Variants in FOXO3 observed in about 807,000 individuals in gnomAD.
FOXO3 encodes forkhead box protein O3.
In FOXO3, 4 loss-of-function variants were observed where a neutral mutation model predicts 41.9. The observed-to-expected ratio is 0.10, with a 90% CI of 0.05 to 0.22. The LOEUF (loss-of-function observed/expected upper bound fraction) is 0.22. FOXO3 is among the 10% of genes least tolerant of loss of function. FOXO3 has a pLI of 1.00. For missense variants in FOXO3, 534 were observed against 906.8 expected (o/e 0.59, Z 5.28); for synonymous variants, 318 against 389.3 (o/e 0.82, Z 2.16).
chr6:108,659,216 T>A (rs931750284), intron 1 of FOXO3, among the ~76,000 whole-genome samples: 3 of 151,746 alleles, frequency 2.0e-5, no homozygotes, highest in Middle Eastern at 3.4e-3. Context: ...TAAAAAAAAA[T>A]TTTTTTTTAG....
intron 1 of FOXO3, among the ~76,000 whole-genome samples, chr6:108,644,117 C>A (rs559694081): frequency 6.6e-6 from 1 of 152,308 alleles, no homozygotes; most frequent in African/African-American, 2.4e-5. Flanking sequence ...ATCCTGTTCC[C>A]TCTCCCTCTC....
chr6:108,637,154 A>G (rs1392061014), intron 1 of FOXO3, among the ~76,000 whole-genome samples: 2 of 152,198 alleles, frequency 1.3e-5, no homozygotes, highest in Admixed American at 6.5e-5. Flanking sequence ...AGGTATTGAG[A>G]GAACACATAG....
intron 1 of FOXO3, among the ~76,000 whole-genome samples, chr6:108,648,576 C>T (rs867427324): frequency 2.6e-5 from 4 of 152,154 alleles, no homozygotes; most frequent in South Asian, 4.1e-4. Context: ...ATCCTATTAT[C>T]TTGTATTCCT....
At chr6:108,662,866 ATAATT>A (rs568986450) in intron 1 of FOXO3, among the ~76,000 whole-genome samples, 14 of 152,180 alleles carry the variant, frequency 9.2e-5, no homozygotes, top group Non-Finnish European at 1.9e-4. Flanking sequence ...TATGGGCAAT[ATAATT>A]ACAGAAAGGC....
rs1203001673 is a variant in FOXO3 at position 108,560,932 on chromosome 6, A to T, written c.-277A>T. Reference sequence around the variant, plus strand: ...GCCGGGGGGCGGTGTCTGCTGCGCCAGGTTCGCTGGCCGCACGTCTTCAGG... The same window carrying T: ...GCCGGGGGGCGGTGTCTGCTGCGCCTGGTTCGCTGGCCGCACGTCTTCAGG... On this transcript the variant is annotated 5_prime_UTR_variant, in exon 1 of 3. Transcript: ENST00000406360. 13 of 1,279,916 alleles carry T rather than the reference A, an allele frequency of 1.0e-5. No individual in the cohort carries two copies. Among genetic ancestry groups the T allele is most frequent in the Non-Finnish European group, 1.3e-5 (13 of 1,010,278 alleles). The allele number at this position is 1,279,916 out of a possible 1,614,324, so 79.3% of individuals were successfully genotyped here.
intron 1 of FOXO3, among the ~76,000 whole-genome samples, chr6:108,651,897 TCA>T (rs1778556704): frequency 6.6e-6 from 1 of 152,248 alleles, no homozygotes; most frequent in African/African-American, 2.4e-5. Context: ...ATTTTAAGAT[TCA>T]CATAGTTTTA....
intron 1 of FOXO3, among the ~76,000 whole-genome samples, chr6:108,574,582 CTT>C (rs1013007615): frequency 2.0e-5 from 3 of 152,184 alleles, no homozygotes; most frequent in African/African-American, 7.2e-5. Flanking sequence ...GTGGTCGTCT[CTT>C]TGCAGTGCAG....
intron 2 of FOXO3, among the ~76,000 whole-genome samples, chr6:108,671,007 C>G (rs1343440050): frequency 6.6e-6 from 1 of 152,186 alleles, no homozygotes; most frequent in African/African-American, 2.4e-5. Flanking sequence ...AATGCGTGGC[C>G]TAGTGGAGAA....
chr6:108,561,934 G>A (rs1775807036), intron 1 of FOXO3, 105 bp downstream of exon 1: 2 of 1,431,182 alleles, frequency 1.4e-6, no homozygotes, highest in Admixed American at 3.0e-5. Context: ...CAGGGCAAGG[G>A]GTTGGCAGGG....
At chr6:108,564,227 G>A (rs781667772) in intron 1 of FOXO3, among the ~76,000 whole-genome samples, 1 of 152,182 alleles carries the variant, frequency 6.6e-6, no homozygotes, top group African/African-American at 2.4e-5. Context: ...AATCTTTGAT[G>A]ATGGAGAAGG....
intron 1 of FOXO3, among the ~76,000 whole-genome samples, chr6:108,612,624 G>GT (rs1246119967): frequency 6.6e-6 from 1 of 151,740 alleles, no homozygotes; most frequent in African/African-American, 2.4e-5. Flanking sequence ...AGGTTGCAGT[G>GT]AGCCAAGATT....
intron 1 of FOXO3, among the ~76,000 whole-genome samples, chr6:108,594,285 A>G (rs1776813532): frequency 6.6e-6 from 1 of 152,168 alleles, no homozygotes; most frequent in Non-Finnish European, 1.5e-5. Flanking sequence ...AACTTTAGAG[A>G]AAAAAAGGAG....
intron 1 of FOXO3, among the ~76,000 whole-genome samples, chr6:108,569,463 A>G (rs1776031636): frequency 6.6e-6 from 1 of 152,214 alleles, no homozygotes; most frequent in Non-Finnish European, 1.5e-5. Context: ...GAAATGTCTG[A>G]TTGGAGTGTG....
intron 1 of FOXO3, among the ~76,000 whole-genome samples, chr6:108,605,770 C>T (rs1777182015): frequency 6.6e-6 from 1 of 152,148 alleles, no homozygotes; most frequent in Non-Finnish European, 1.5e-5. Flanking sequence ...AGGGAACAGG[C>T]CAGGAGGCTG....
At chr6:108,643,261 CT>C (rs1319473134) in intron 1 of FOXO3, among the ~76,000 whole-genome samples, 1 of 152,162 alleles carries the variant, frequency 6.6e-6, no homozygotes, top group East Asian at 1.9e-4. Context: ...ACAATCAGTT[CT>C]TTGCCCATGC....
intron 1 of FOXO3, among the ~76,000 whole-genome samples, chr6:108,582,182 C>G (rs17598170): frequency 0.036 from 5,477 of 152,292 alleles, 134 homozygotes; most frequent in Middle Eastern, 0.095. Context: ...TTGGTATAGG[C>G]CATTTATTTA....
chr6:108,565,029 G>C (rs968465870), intron 1 of FOXO3, among the ~76,000 whole-genome samples: 2 of 152,072 alleles, frequency 1.3e-5, no homozygotes, highest in Non-Finnish European at 2.9e-5. Flanking sequence ...GCTAGGTAAT[G>C]GATAGTCTCA....
At chr6:108,600,300 T>G (rs1281782528) in intron 1 of FOXO3, among the ~76,000 whole-genome samples, 1 of 151,956 alleles carries the variant, frequency 6.6e-6, no homozygotes, top group South Asian at 2.1e-4. Context: ...ATCCCAGCAC[T>G]TTAGGAGGCC....
chr6:108,597,278 C>T (rs536923294), intron 1 of FOXO3, among the ~76,000 whole-genome samples: 1 of 152,124 alleles, frequency 6.6e-6, no homozygotes, highest in Non-Finnish European at 1.5e-5. Flanking sequence ...ACAGTGTCAC[C>T]CCAGAGATTT....
Sources: allele counts gnomAD v4.1 joint callset (sites outside exome capture counted in the v4.1 genomes callset), GRCh38; gene constraint gnomAD v4.1.1; transcripts MANE v1.5; gene names NCBI Gene and HGNC (gene_info 2026-07-23, HGNC 2026-07-21).